DGKG: variants seen among roughly 807,000 people sequenced by gnomAD.
DGKG encodes DAG kinase gamma.
DGKG carries 78 observed loss-of-function variants against 105.3 expected under a neutral mutation model. That is an observed-to-expected ratio of 0.74 (90% CI 0.62 to 0.89). The LOEUF is 0.89. Among genes scored for constraint, DGKG ranks in the 40% least tolerant of loss-of-function variants. The pLI, the probability that DGKG is intolerant of heterozygous loss-of-function variation, is 0.00. For missense variants in DGKG, 958 were observed against 1,020.1 expected (o/e 0.94, Z 0.83); for synonymous variants, 346 against 367.1 (o/e 0.94, Z 0.66).
intron 20 of DGKG, among the ~76,000 whole-genome samples, chr3:186,212,846 A>G (rs528579485): frequency 2.9e-4 from 44 of 152,352 alleles, no homozygotes; most frequent in Admixed American, 2.4e-3. Context: ...ATTAAACAAA[A>G]TCACATTCTT....
chr3:186,351,701 G>T (rs544861022), intron 1 of DGKG, among the ~76,000 whole-genome samples: 1 of 152,348 alleles, frequency 6.6e-6, no homozygotes, highest in African/African-American at 2.4e-5. Flanking sequence ...GGATGTAAGT[G>T]CAGGAGACTT....
chr3:186,155,179 G>T (rs1027575132), intron 24 of DGKG, among the ~76,000 whole-genome samples: 1 of 151,820 alleles, frequency 6.6e-6, no homozygotes, highest in African/African-American at 2.4e-5. Context: ...TTTTATTTTG[G>T]TTTTGTTTTG....
intron 20 of DGKG, among the ~76,000 whole-genome samples, chr3:186,222,268 A>G (rs1284224146): frequency 2.0e-5 from 3 of 152,186 alleles, no homozygotes; most frequent in Non-Finnish European, 4.4e-5. Flanking sequence ...ACATTTCCCC[A>G]TAGAAACAAT....
intron 1 of DGKG, among the ~76,000 whole-genome samples, chr3:186,327,061 G>A (rs1431054104): frequency 6.6e-6 from 1 of 152,112 alleles, no homozygotes; most frequent in Admixed American, 6.5e-5. Context: ...ATACCCAGGA[G>A]GCTGAGGTGG....
chr3:186,216,417 C>T lies in DGKG; in HGVS notation c.1827-4532G>A, dbSNP rs1385213643. Among the ~76,000 whole-genome samples the T allele has an allele frequency of 2.6e-5, 4 of 152,244 alleles. No individual in the cohort carries two copies. The South Asian group carries it at 8.3e-4, about 32-fold the overall frequency. On this transcript the variant is annotated intron_variant, in intron 20 of 24. Transcript: ENST00000265022. The stretch of plus-strand genomic sequence containing the variant: ...TATTTCTCCTCTTTTAACTCAGGCA[C>T]TTTTTGGCTAGAAGTGAATGCATTC...
At chr3:186,264,203 G>A (rs1206290447) in intron 14 of DGKG, among the ~76,000 whole-genome samples, 4 of 152,210 alleles carry the variant, frequency 2.6e-5, no homozygotes, top group Non-Finnish European at 1.5e-5. Context: ...CCTTCTAGGT[G>A]TCTAGAGCTT....
In DGKG at chr3:186,298,171, G is replaced by A; in HGVS notation, c.203C>T (p.Pro68Leu). Residue 68 changes from proline to leucine, a missense_variant, in exon 4 of 25, where the codon CCC (proline) becomes CTC (leucine). Coordinates refer to ENST00000265022, the MANE Select transcript of DGKG (RefSeq NM_001346.3). ...GAAGAGGTGAGTGCTCAGTGGCTGG[G>A]GAAGGTCCACCTCCAGGTACGCCCT... ...FMRAYLEVDL[P>L]QPLSTHLFLA... 1 of 1,614,062 alleles carries A rather than the reference G, an allele frequency of 6.2e-7. No homozygotes were observed.
Position 186,320,471 on chromosome 3 carries a change from A to G in DGKG, c.-12T>C, listed in dbSNP as rs942330060. ...CGTTCTTCACCCATTTTTAAACTTT[A>G]TGTGAGTGGCTAAAGGGCAGTGATG... On this transcript the variant is annotated 5_prime_UTR_variant, in exon 2 of 25. Transcript: ENST00000265022. 6.2e-7 allele frequency: 1 copy of G among 1,614,142 alleles called. No homozygotes were observed. Among genetic ancestry groups the G allele is most frequent in the Non-Finnish European group, 8.5e-7 (1 of 1,180,000 alleles).
chr3:186,278,890 A>G (rs1328903128), intron 9 of DGKG, among the ~76,000 whole-genome samples: 2 of 152,114 alleles, frequency 1.3e-5, no homozygotes, highest in South Asian at 2.1e-4. Flanking sequence ...TGACTAGTAA[A>G]CGCTTAATGT....
chr3:186,169,249 A>C (rs1716702098), intron 22 of DGKG, among the ~76,000 whole-genome samples: 1 of 152,242 alleles, frequency 6.6e-6, no homozygotes, highest in Non-Finnish European at 1.5e-5. Context: ...GGCAGGATAT[A>C]AACTTACTTG....
At chr3:186,288,171 C>T (rs1033686232) in intron 6 of DGKG, among the ~76,000 whole-genome samples, 2 of 152,120 alleles carry the variant, frequency 1.3e-5, no homozygotes, top group African/African-American at 2.4e-5. Context: ...AATTAACTGG[C>T]CCCCTCGTTC....
chr3:186,301,071 G>T (rs1723897127), intron 3 of DGKG, among the ~76,000 whole-genome samples: 1 of 152,216 alleles, frequency 6.6e-6, no homozygotes, highest in Non-Finnish European at 1.5e-5. Context: ...GCTGAGACTA[G>T]TTCTTGTCCC....
At chr3:186,187,777 G>T (rs1479552419) in intron 22 of DGKG, among the ~76,000 whole-genome samples, 2 of 152,184 alleles carry the variant, frequency 1.3e-5, no homozygotes, top group African/African-American at 4.8e-5. Context: ...AGTGACAAGT[G>T]AGCGGGGAGG....
intron 1 of DGKG, among the ~76,000 whole-genome samples, chr3:186,343,358 T>C (rs1726176438): frequency 6.6e-6 from 1 of 152,188 alleles, no homozygotes; most frequent in Non-Finnish European, 1.5e-5. Context: ...TAGCGCAGTC[T>C]TGGCTCACTG....
intron 21 of DGKG, among the ~76,000 whole-genome samples, chr3:186,194,126 T>C (rs537821125): frequency 1.3e-5 from 2 of 152,258 alleles, no homozygotes; most frequent in Admixed American, 1.3e-4. Context: ...GGGAAGACAA[T>C]CCCCCCAGTT....
Position 186,148,346 on chromosome 3 carries a change from C to T in DGKG, c.*1744G>A. On this transcript the variant is annotated 3_prime_UTR_variant, in exon 25 of 25. Coordinates refer to ENST00000265022, the MANE Select transcript of DGKG (RefSeq NM_001346.3). ...TTTCCAAACTAAGAGACTATGATGA[C>T]CATGATGAGGTGACATGTGGAGAGT... The T allele has an allele frequency of 1.0e-6, 1 of 985,422 alleles. No homozygotes were observed. The highest frequency in any genetic ancestry group is 1.2e-6 in the Non-Finnish European group (1 of 829,938). The allele number at this position is 985,422 out of a possible 1,614,324, so 61.0% of individuals were successfully genotyped here.
At chr3:186,178,727 A>G (rs1230103364) in intron 22 of DGKG, among the ~76,000 whole-genome samples, 1 of 152,192 alleles carries the variant, frequency 6.6e-6, no homozygotes. Flanking sequence ...GCTGAGAAAG[A>G]GTGAATGATT....
chr3:186,262,266 T>C (rs943823709), intron 14 of DGKG, among the ~76,000 whole-genome samples: 1 of 152,152 alleles, frequency 6.6e-6, no homozygotes, highest in African/African-American at 2.4e-5. Context: ...TGGGTAGTAC[T>C]GTCGACTGGA....
At chr3:186,150,847 C>T (rs1289963675) in intron 24 of DGKG, among the ~76,000 whole-genome samples, 1 of 152,226 alleles carries the variant, frequency 6.6e-6, no homozygotes, top group Non-Finnish European at 1.5e-5. Context: ...GTGAAAGACA[C>T]TGATGTATTC....
Sources: gnomAD v4.1 joint callset for allele counts (sites outside exome capture counted in the v4.1 genomes callset) on GRCh38, gnomAD v4.1.1 for gene constraint, MANE v1.5 for transcripts, NCBI Gene and HGNC (gene_info 2026-07-23, HGNC 2026-07-21) for gene names.